RALA: variants seen among roughly 807,000 people sequenced by gnomAD.
The protein encoded by RALA is ras-related protein Ral-A.
Under a neutral mutation model 24.0 loss-of-function variants are expected in RALA, and 5 were observed. That is an observed-to-expected ratio of 0.21 (90% CI 0.11 to 0.44). The LOEUF (loss-of-function observed/expected upper bound fraction) is 0.44, where lower values mean the gene tolerates loss of function less well. Ranked by LOEUF, RALA falls within the 20% of genes least tolerant of loss-of-function variation. The probability of loss-of-function intolerance (pLI) is 0.99; values close to 1 mark genes in which losing one functional copy is unlikely to be tolerated. For synonymous variants in RALA, 77 were observed against 83.8 expected (o/e 0.92, Z 0.44); for missense variants, 95 against 241.2 (o/e 0.39, Z 4.01).
chr7:39,688,138 TAGTG>T (rs1181573561), intron 2 of RALA, among the ~76,000 whole-genome samples: 3 of 152,102 alleles, frequency 2.0e-5, no homozygotes, highest in Non-Finnish European at 4.4e-5. Context: ...CCATGCTTGT[TAGTG>T]AGCGAATTAA....
rs542406281 is a variant in RALA, at chr7:39,666,793, T to G, written c.-37-19838T>G. On this transcript the variant is annotated intron_variant, in intron 1 of 4. Coordinates refer to ENST00000005257, the MANE Select transcript of RALA (RefSeq NM_005402.4). ...TCTGTAAAAGAGCTGTAGTAAAGGTTAATTGGCACAAAGGGAATCTTTGTT... is the reference window on the plus strand; with the variant it reads ...TCTGTAAAAGAGCTGTAGTAAAGGTGAATTGGCACAAAGGGAATCTTTGTT... 1.4e-4 allele frequency among the ~76,000 whole-genome samples: 21 copies of G among 152,340 alleles called. No homozygotes were observed. The South Asian group carries it at 3.9e-3, about 29-fold the overall frequency.
At chr7:39,690,737 C>T (rs1792801311) in intron 3 of RALA, 147 bp downstream of exon 3, 2 of 638,554 alleles carry the variant, frequency 3.1e-6, no homozygotes, top group Non-Finnish European at 5.3e-6. Context: ...CAGTATATGA[C>T]TCTCTCTACT....
chr7:39,694,091 A>C (rs774438853), intron 3 of RALA, among the ~76,000 whole-genome samples: 1 of 152,206 alleles, frequency 6.6e-6, no homozygotes, highest in Non-Finnish European at 1.5e-5. Context: ...TATATAAATT[A>C]GTTTCTCAAA....
At chr7:39,672,678 A>G (rs1279511703) in intron 1 of RALA, among the ~76,000 whole-genome samples, 1 of 150,108 alleles carries the variant, frequency 6.7e-6, no homozygotes, top group African/African-American at 2.4e-5. Context: ...GCATGCACTG[A>G]TACATGCAAC....
At chr7:39,681,030 T>G (rs1022137664) in intron 1 of RALA, among the ~76,000 whole-genome samples, 3 of 152,208 alleles carry the variant, frequency 2.0e-5, no homozygotes, top group African/African-American at 7.2e-5. Flanking sequence ...GGAAGAGATG[T>G]CCCTGCTCCT....
intron 1 of RALA, among the ~76,000 whole-genome samples, chr7:39,638,339 C>T (rs922853032): frequency 5.3e-5 from 8 of 152,126 alleles, no homozygotes; most frequent in South Asian, 2.1e-4. Flanking sequence ...TTGCCCTTTC[C>T]GGATGGTAGA....
At chr7:39,674,190 C>T (rs1293209898) in intron 1 of RALA, among the ~76,000 whole-genome samples, 2 of 152,128 alleles carry the variant, frequency 1.3e-5, no homozygotes, top group South Asian at 2.1e-4. Context: ...AACCATCCTC[C>T]TACCTTAGCC....
At chr7:39,677,006 T>G (rs976538865) in intron 1 of RALA, among the ~76,000 whole-genome samples, 11 of 152,234 alleles carry the variant, frequency 7.2e-5, no homozygotes, top group African/African-American at 2.7e-4. Context: ...AGGAGATTAT[T>G]CTGGATCATC....
intron 4 of RALA, among the ~76,000 whole-genome samples, chr7:39,698,614 T>C (rs1428431583): frequency 6.6e-6 from 1 of 152,194 alleles, no homozygotes; most frequent in Non-Finnish European, 1.5e-5. Context: ...TCTCATAGCA[T>C]ATATATACTT....
At chr7:39,640,687 TC>T (rs1791797787) in intron 1 of RALA, among the ~76,000 whole-genome samples, 4 of 152,198 alleles carry the variant, frequency 2.6e-5, no homozygotes, top group Admixed American at 2.6e-4. Context: ...AATCTTCTGG[TC>T]TTAATTCTTC....
intron 1 of RALA, chr7:39,624,117 T>A (rs1791431303): frequency 6.6e-6 from 1 of 151,844 alleles, no homozygotes; most frequent in South Asian, 2.1e-4. Flanking sequence ...CCCCGCACCT[T>A]TCGTCCACGG....
intron 3 of RALA, among the ~76,000 whole-genome samples, chr7:39,694,898 A>G (rs1792891482): frequency 6.6e-6 from 1 of 151,598 alleles, no homozygotes; most frequent in South Asian, 2.1e-4. Flanking sequence ...GAAAAAAAGA[A>G]AAAAAAATTA....
chr7:39,652,144 T>C (rs1177253798), intron 1 of RALA, among the ~76,000 whole-genome samples: 1 of 152,190 alleles, frequency 6.6e-6, no homozygotes, highest in Non-Finnish European at 1.5e-5. Context: ...GGTGTCCTCC[T>C]ATGGCAGCAG....
chr7:39,626,556 A>T (rs1424973487), intron 1 of RALA, among the ~76,000 whole-genome samples: 7 of 152,200 alleles, frequency 4.6e-5, no homozygotes, highest in Admixed American at 6.5e-5. Context: ...AGGTGGCCTC[A>T]AGCAGCAGCC....
chr7:39,665,551 A>C (rs868134303), intron 1 of RALA, among the ~76,000 whole-genome samples: 1 of 152,032 alleles, frequency 6.6e-6, no homozygotes, highest in Non-Finnish European at 1.5e-5. Flanking sequence ...ACTGTATAAC[A>C]CACTATACAG....
At chr7:39,686,598 A>T in intron 1 of RALA, 33 bp from the exon 2 acceptor site, 2 of 1,190,522 alleles carry the variant, frequency 1.7e-6, no homozygotes, top group East Asian at 2.3e-5. Context: ...AGAAGAATGT[A>T]CTGAGCATTA....
At chr7:39,667,585 A>T (rs1792307352) in intron 1 of RALA, among the ~76,000 whole-genome samples, 1 of 152,248 alleles carries the variant, frequency 6.6e-6, no homozygotes, top group South Asian at 2.1e-4. Context: ...TTAAGCAATG[A>T]GTCAATAGGA....
intron 1 of RALA, among the ~76,000 whole-genome samples, chr7:39,628,704 C>T (rs1448300208): frequency 1.3e-5 from 2 of 151,954 alleles, no homozygotes; most frequent in Non-Finnish European, 2.9e-5. Context: ...TACAGGCACG[C>T]GGCACCATGC....
intron 4 of RALA, among the ~76,000 whole-genome samples, chr7:39,698,516 A>C (rs964590048): frequency 6.6e-6 from 1 of 152,232 alleles, no homozygotes; most frequent in Admixed American, 6.5e-5. Flanking sequence ...TGAAGAGACA[A>C]TTTGTATGGC....
Sources: allele counts gnomAD v4.1 joint callset (sites outside exome capture counted in the v4.1 genomes callset), GRCh38; gene constraint gnomAD v4.1.1; transcripts MANE v1.5; gene names NCBI Gene and HGNC (gene_info 2026-07-23, HGNC 2026-07-21).